Variants in INF2 observed in about 807,000 individuals in gnomAD.
The protein encoded by INF2 is inverted formin 2.
INF2 carries 43 observed loss-of-function variants against 123.5 expected under a neutral mutation model. The observed-to-expected ratio is 0.35, with a 90% CI of 0.27 to 0.45. The LOEUF (loss-of-function observed/expected upper bound fraction) is 0.45. INF2 is among the 20% of genes least tolerant of loss of function. INF2 has a pLI of 1.00. For synonymous variants in INF2, 851 were observed against 745.0 expected (o/e 1.14, Z -2.32); for missense variants, 1,453 against 1,682.7 (o/e 0.86, Z 2.39).
At chr14:104,706,814 G>T (rs1340872561) in intron 6 of INF2, 96 bp from the exon 7 acceptor site, 1 of 1,394,664 alleles carries the variant, frequency 7.2e-7, no homozygotes, top group Non-Finnish European at 9.8e-7. Flanking sequence ...GAATAGAGGG[G>T]GTGATGGGGC....
In INF2 at chr14:104,714,818, G is replaced by C. The variant is rs780359090; in HGVS notation, c.3656G>C (p.Gly1219Ala). 2 of 1,594,090 alleles carry C rather than the reference G, an allele frequency of 1.3e-6. No individual in the cohort carries two copies. The highest frequency in any genetic ancestry group is 8.5e-7 in the Non-Finnish European group (1 of 1,172,702). Residue 1219 changes from glycine to alanine, a missense_variant, in exon 21 of 23, where the codon GGG (glycine) becomes GCG (alanine). This residue lies in a region of INF2 where 344 missense variants were observed against 333.1 expected (regional missense o/e 1.03). Transcript: ENST00000392634. ...RARGRASKGTGKRRKKRPSRS... is the reference protein window; with the variant it reads ...RARGRASKGTAKRRKKRPSRS... Reference sequence around the variant, plus strand: ...CGGGGCCGGGCCTCAAAGGGGACCGGGAAGCGAAGGAAGAAGCGTCCCTCC... The same window carrying C: ...CGGGGCCGGGCCTCAAAGGGGACCGCGAAGCGAAGGAAGAAGCGTCCCTCC...
Position 104,719,094 on chromosome 14 carries a change from C to T in INF2, c.*301C>T. ...CCCGCATGCGCCCGGTGCAGCCTGC[C>T]AAGGGCCAGTCGGGGGGTGCTGCGT... is the stretch of plus-strand genomic sequence containing the variant. On this transcript the variant is annotated 3_prime_UTR_variant, in exon 23 of 23. Coordinates refer to ENST00000392634, the MANE Select transcript of INF2 (RefSeq NM_022489.4). 1.9e-6 allele frequency: 1 copy of T among 527,358 alleles called. No homozygotes were observed. The highest frequency in any genetic ancestry group is 3.2e-6 in the Non-Finnish European group (1 of 308,304). The allele number at this position is 527,358 out of a possible 1,614,324, so 32.7% of individuals were successfully genotyped here. A position where few individuals can be genotyped will look rare whatever the true frequency, so the allele number is the denominator to read the frequency against.
At chr14:104,693,936 G>A (rs1044642227) in intron 1 of INF2, among the ~76,000 whole-genome samples, 1 of 152,230 alleles carries the variant, frequency 6.6e-6, no homozygotes, top group Non-Finnish European at 1.5e-5. Context: ...ACAGGGTGGG[G>A]GTGAGGGAGT....
chr14:104,717,966 G>A (rs1011726518), intron 22 of INF2, among the ~76,000 whole-genome samples: 1 of 152,246 alleles, frequency 6.6e-6, no homozygotes, highest in African/African-American at 2.4e-5. Flanking sequence ...GACCAGCGGG[G>A]GCCCTGAGCG....
At chr14:104,705,307 C>A (rs1161356401) in intron 5 of INF2, among the ~76,000 whole-genome samples, 4 of 152,188 alleles carry the variant, frequency 2.6e-5, no homozygotes, top group Non-Finnish European at 5.9e-5. Context: ...ATCCCAACTA[C>A]TCAGGAGGCT....
At chr14:104,700,994 C>CGGGAG in intron 1 of INF2, 9 of 440,838 alleles carry the variant, frequency 2.0e-5, no homozygotes, top group Non-Finnish European at 2.7e-5. Flanking sequence ...GGGAGCCTCC[C>CGGGAG]GCTCCCCCGA....
chr14:104,713,489 G>T lies in INF2; in HGVS notation c.2923G>T (p.Ala975Ser), dbSNP rs776214674. Reference protein sequence around the residue: ...GKQEEVCVIDALLADIRKGFQ... With the variant: ...GKQEEVCVIDSLLADIRKGFQ... ...GCAGGAGGAGGTGTGTGTCATCGAT[G>T]CCCTGCTGGCTGACATCAGGAAGGG... The change falls in exon 20 of 23, where the codon GCC becomes TCC. Residue 975 changes from alanine to serine, a missense_variant. Physicochemically the swap from Ala to Ser is moderately conservative, Grantham distance 99. Transcript: ENST00000392634. 10 of 1,611,568 alleles carry T rather than the reference G, an allele frequency of 6.2e-6. No individual in the cohort carries two copies. The highest frequency in any genetic ancestry group is 1.3e-5 in the African/African-American group (1 of 74,898).
chr14:104,689,606 C>CCCCCCCCCGGG, upstream of INF2: 1 of 827,072 alleles, frequency 1.2e-6, no homozygotes, highest in Non-Finnish European at 1.5e-6. Context: ...CCGCCCCGCC[C>CCCCCCCCCGGG]GCCCCGCGCC....
chr14:104,714,918 C>T, intron 21 of INF2, 62 bp downstream of exon 21: 3 of 1,445,666 alleles, frequency 2.1e-6, no homozygotes, highest in Non-Finnish European at 2.7e-6. Flanking sequence ...CAGCCGGTCC[C>T]TCCCCTTCCC....
At chr14:104,685,824 G>A (rs1270539613), upstream of INF2, among the ~76,000 whole-genome samples, 1 of 149,454 alleles carries the variant, frequency 6.7e-6, no homozygotes, top group East Asian at 2.0e-4. Context: ...TGGATGATGG[G>A]TGGGTAGGCC....
At chr14:104,705,968 A>C in intron 5 of INF2, 67 bp from the exon 6 acceptor site, 1 of 1,574,798 alleles carries the variant, frequency 6.4e-7, no homozygotes, top group East Asian at 2.3e-5. Flanking sequence ...GCGCTGACCC[A>C]GGCTGCCCCG....
chr14:104,697,294 G>A (rs1349009142), intron 1 of INF2, among the ~76,000 whole-genome samples: 1 of 152,218 alleles, frequency 6.6e-6, no homozygotes, highest in African/African-American at 2.4e-5. Context: ...GAGGCCTGGG[G>A]GCTTCAGTGG....
chr14:104,700,478 G>C (rs991960191), intron 1 of INF2, among the ~76,000 whole-genome samples: 1 of 152,172 alleles, frequency 6.6e-6, no homozygotes, highest in Non-Finnish European at 1.5e-5. Context: ...GCCATACATG[G>C]TTGCAGGAGG....
At chr14:104,693,778 C>T (rs1273173936) in intron 1 of INF2, among the ~76,000 whole-genome samples, 1 of 152,226 alleles carries the variant, frequency 6.6e-6, no homozygotes, top group Non-Finnish European at 1.5e-5. Context: ...CCTCCATCTC[C>T]CCATCTGTAC....
intron 22 of INF2, among the ~76,000 whole-genome samples, chr14:104,718,496 CA>C (rs1890420106): frequency 6.6e-6 from 1 of 151,854 alleles, no homozygotes; most frequent in Admixed American, 6.6e-5. Flanking sequence ...GCCTGGGTCT[CA>C]GACAGGGGGT....
At chr14:104,689,594 G>GCCCCCCCCCCC, upstream of INF2, 8 of 251,136 alleles carry the variant, frequency 3.2e-5, no homozygotes, top group Non-Finnish European at 4.4e-5. Context: ...TCTTCCTCCC[G>GCCCCCCCCCCC]CCCGCCCCGC....
chr14:104,709,699 T>C lies in INF2; in HGVS notation c.2132T>C (p.Ile711Thr). ...ADHFYLLLLA[I>T]PCYQLRIECM... ...CACTTCTACCTCCTCCTGCTGGCCA[T>C]TCCCTGGTGAGCATGGCCGCCCTCA... Residue 711 changes from isoleucine (I) to threonine (T), a missense_variant, in exon 12 of 23, where the codon ATT (isoleucine) becomes ACT (threonine). Transcript: ENST00000392634. 6.2e-7 allele frequency: 1 copy of C among 1,611,782 alleles called. No homozygotes were observed. Among genetic ancestry groups the C allele is most frequent in the Middle Eastern group, 1.7e-4 (1 of 6,058 alleles).
rs770354256 is a variant in INF2 at position 104,714,511 on chromosome 14, T to A, written c.3349T>A (p.Ser1117Thr). ...TCAGGCCCTGAAGCCCCTCAAGTTC[T>A]CCAGCAACCAGCCCCCTGCAGCCGG... ...DAQALKPLKF[S>T]SNQPPAAGSS... Residue 1117 changes from serine to threonine, a missense_variant, in exon 21 of 23, where the codon TCC becomes ACC. Ser to Thr is a moderately conservative substitution (Grantham distance 58). Coordinates refer to ENST00000392634, the MANE Select transcript of INF2 (RefSeq NM_022489.4). 1.9e-6 allele frequency: 3 copies of A among 1,612,644 alleles called. No individual in the cohort carries two copies. In the South Asian group the frequency reaches 3.3e-5, roughly 18 times the overall value.
At chr14:104,716,688 TTTTA>T (rs1254465507) in intron 22 of INF2, among the ~76,000 whole-genome samples, 21 of 152,138 alleles carry the variant, frequency 1.4e-4, no homozygotes, top group East Asian at 7.7e-4. Context: ...CTCCCCAACT[TTTTA>T]TTTTTTATTT....
Sources: allele counts gnomAD v4.1 joint callset (sites outside exome capture counted in the v4.1 genomes callset), GRCh38; gene constraint gnomAD v4.1.1; regional missense constraint gnomAD v4.1.1; transcripts MANE v1.5; gene names NCBI Gene and HGNC (gene_info 2026-07-23, HGNC 2026-07-21).